The following SLC41A2 variants were observed in gnomAD, a reference collection of about 807,000 sequenced individuals.
The protein encoded by SLC41A2 is solute carrier family 41 member 2.
A neutral mutation model predicts 58.3 loss-of-function variants in SLC41A2; 32 were observed. The observed-to-expected ratio is 0.55, with a 90% confidence interval of 0.41 to 0.74. The LOEUF (loss-of-function observed/expected upper bound fraction) is 0.74, where lower values mean the gene tolerates loss of function less well. SLC41A2 is among the 30% of genes least tolerant of loss of function. SLC41A2 has a pLI of 0.00. For missense variants in SLC41A2, 514 were observed against 680.6 expected (o/e 0.76, Z 2.72); for synonymous variants, 190 against 235.0 (o/e 0.81, Z 1.75).
At chr12:104,829,509 A>G (rs954824376) in intron 10 of SLC41A2, among the ~76,000 whole-genome samples, 1 of 152,164 alleles carries the variant, frequency 6.6e-6, no homozygotes, top group Non-Finnish European at 1.5e-5. Context: ...ACTGACTGCA[A>G]AGGAGCATGA....
At chr12:104,833,082 C>T (rs2042093670) in intron 10 of SLC41A2, among the ~76,000 whole-genome samples, 1 of 152,142 alleles carries the variant, frequency 6.6e-6, no homozygotes. Context: ...CTGGATAATT[C>T]TTAATTATTT....
At chr12:104,957,787 T>C (rs112887444) in intron 1 of SLC41A2, among the ~76,000 whole-genome samples, 3,523 of 152,218 alleles carry the variant, frequency 0.023, 60 homozygotes, top group Non-Finnish European at 0.037. Context: ...CCATCACTCA[T>C]ACACCACCCG....
Position 104,943,111 on chromosome 12 carries a change from T to A in SLC41A2, c.-167-14417A>T, listed in dbSNP as rs953178603. 2.0e-5 allele frequency among the ~76,000 whole-genome samples: 3 copies of A among 152,218 alleles called. No individual in the cohort carries two copies. In the East Asian group the frequency reaches 5.8e-4, roughly 29 times the overall value. On this transcript the variant is annotated intron_variant, in intron 1 of 10. Coordinates refer to ENST00000258538, the MANE Select transcript of SLC41A2 (RefSeq NM_001352171.3). The stretch of plus-strand genomic sequence containing the variant: ...AACTGAAAGTTAAAAGCTTCCAGAA[T>A]TTTAAGGTGCAGAAAAGATGCCAAT...
intron 8 of SLC41A2, among the ~76,000 whole-genome samples, chr12:104,859,483 C>T (rs1056023547): frequency 5.3e-5 from 8 of 151,998 alleles, no homozygotes. Context: ...TGTTAAAGGG[C>T]AAGCAGACAA....
At chr12:104,916,350 A>G (rs901735608) in intron 2 of SLC41A2, among the ~76,000 whole-genome samples, 7 of 152,176 alleles carry the variant, frequency 4.6e-5, no homozygotes, top group Non-Finnish European at 1.0e-4. Context: ...GAATGGTACC[A>G]GCTCCTCCTT....
intron 1 of SLC41A2, among the ~76,000 whole-genome samples, chr12:104,952,946 C>T (rs1183575379): frequency 2.0e-5 from 3 of 151,848 alleles, no homozygotes; most frequent in Non-Finnish European, 4.4e-5. Context: ...GATAAGTTCT[C>T]CTTCTTCTGT....
At chr12:104,869,408 G>C (rs916803304) in intron 6 of SLC41A2, among the ~76,000 whole-genome samples, 1 of 152,134 alleles carries the variant, frequency 6.6e-6, no homozygotes, top group Non-Finnish European at 1.5e-5. Flanking sequence ...GACAAAGAGA[G>C]AGAACAAAAG....
At chr12:104,849,825 C>T (rs2042735491) in intron 8 of SLC41A2, among the ~76,000 whole-genome samples, 2 of 152,110 alleles carry the variant, frequency 1.3e-5, no homozygotes, top group East Asian at 1.9e-4. Context: ...AAGACCCTAT[C>T]TTTAGTAAGT....
chr12:104,860,537 A>T (rs1272719881), intron 8 of SLC41A2, among the ~76,000 whole-genome samples: 6 of 152,138 alleles, frequency 3.9e-5, no homozygotes, highest in Non-Finnish European at 8.8e-5. Context: ...ATAACAAAAA[A>T]ATATACGACA....
chr12:104,846,004 T>A (rs1450206783), intron 8 of SLC41A2, 30 bp from the exon 9 acceptor site: 1 of 1,601,144 alleles, frequency 6.2e-7, no homozygotes, highest in African/African-American at 1.3e-5. Flanking sequence ...AAAGTAGCAA[T>A]CCTCATATTT....
chr12:104,815,011 T>C (rs975606605), intron 10 of SLC41A2, among the ~76,000 whole-genome samples: 11 of 152,248 alleles, frequency 7.2e-5, no homozygotes, highest in African/African-American at 2.7e-4. Context: ...CTCTCTGCCT[T>C]TGCACATTCT....
At chr12:104,886,218 C>T (rs977340198) in intron 6 of SLC41A2, 75 bp downstream of exon 6, 74 of 1,492,800 alleles carry the variant, frequency 5.0e-5, no homozygotes, top group Non-Finnish European at 6.1e-5. Context: ...ACCATGGATT[C>T]ATGGCATTGC....
At chr12:104,942,537 T>C (rs2047553398) in intron 1 of SLC41A2, among the ~76,000 whole-genome samples, 2 of 152,210 alleles carry the variant, frequency 1.3e-5, no homozygotes, top group South Asian at 4.1e-4. Flanking sequence ...CAGAGAACTT[T>C]ACCTCCTCAT....
At chr12:104,918,628 G>GAAAAAAA (rs34865307) in intron 2 of SLC41A2, among the ~76,000 whole-genome samples, 3 of 111,502 alleles carry the variant, frequency 2.7e-5, no homozygotes, top group African/African-American at 6.9e-5. Context: ...GGAGATACAT[G>GAAAAAAA]AAAAAAAAAA....
chr12:104,859,000 T>C (rs1593010869), intron 8 of SLC41A2, among the ~76,000 whole-genome samples: 1 of 152,216 alleles, frequency 6.6e-6, no homozygotes, highest in East Asian at 1.9e-4. Flanking sequence ...TTAATATAGC[T>C]CTAACAGTCA....
At chr12:104,904,788 T>G (rs942937283) in intron 3 of SLC41A2, among the ~76,000 whole-genome samples, 1 of 151,906 alleles carries the variant, frequency 6.6e-6, no homozygotes, top group Non-Finnish European at 1.5e-5. Flanking sequence ...GGGCTCGTGG[T>G]CTCGCTGGGC....
intron 6 of SLC41A2, among the ~76,000 whole-genome samples, chr12:104,867,817 C>T (rs531397972): frequency 6.6e-6 from 1 of 150,690 alleles, no homozygotes; most frequent in Non-Finnish European, 1.5e-5. Context: ...CAACCCTTAC[C>T]CCAACTCTTA....
intron 1 of SLC41A2, among the ~76,000 whole-genome samples, chr12:104,944,826 T>C (rs75777645): frequency 0.076 from 11,492 of 151,870 alleles, 469 homozygotes; most frequent in Middle Eastern, 0.099. Context: ...AGAGTTCTCT[T>C]CTATTGTTTT....
intron 10 of SLC41A2, among the ~76,000 whole-genome samples, chr12:104,829,012 T>TGTGG (rs2041951080): frequency 1.3e-5 from 2 of 152,180 alleles, no homozygotes. Context: ...TACTAGGTGA[T>TGTGG]AGCAAGGATG....
Sources: allele counts gnomAD v4.1 joint callset (sites outside exome capture counted in the v4.1 genomes callset), GRCh38; gene constraint gnomAD v4.1.1; transcripts MANE v1.5; gene names NCBI Gene and HGNC (gene_info 2026-07-23, HGNC 2026-07-21).